SMOC2: variants seen among roughly 807,000 people sequenced by gnomAD.
SMOC2 encodes SPARC related modular calcium binding 2, also known as SPARC-related modular calcium-binding protein 2.
A neutral mutation model predicts 61.4 loss-of-function variants in SMOC2; 39 were observed. The ratio of observed to expected loss-of-function variants is 0.64; its 90% CI spans 0.49 to 0.83. SMOC2 has a LOEUF of 0.83. Among genes scored for constraint, SMOC2 ranks in the 40% least tolerant of loss-of-function variants. The pLI is 0.00. For missense variants in SMOC2, 556 were observed against 592.9 expected (o/e 0.94, Z 0.65); for synonymous variants, 247 against 239.9 (o/e 1.03, Z -0.27).
chr6:168,619,082 T>C (rs1402144706), intron 9 of SMOC2, among the ~76,000 whole-genome samples: 6 of 152,020 alleles, frequency 3.9e-5, no homozygotes, highest in Non-Finnish European at 8.8e-5. Context: ...AGAACTTGAG[T>C]TCTGAGCAGC....
intron 10 of SMOC2, among the ~76,000 whole-genome samples, chr6:168,651,822 C>T (rs1329526716): frequency 1.3e-5 from 2 of 152,194 alleles, no homozygotes; most frequent in East Asian, 3.9e-4. Flanking sequence ...AGGTGGATCA[C>T]CTGAGGTCAG....
intron 9 of SMOC2, among the ~76,000 whole-genome samples, chr6:168,613,438 G>C (rs1001971898): frequency 6.6e-6 from 1 of 152,106 alleles, no homozygotes; most frequent in Non-Finnish European, 1.5e-5. Flanking sequence ...CCAAGCCAGG[G>C]TCCTCTCCTG....
chr6:168,563,548 G>A (rs1232357366), intron 7 of SMOC2, among the ~76,000 whole-genome samples: 4 of 152,102 alleles, frequency 2.6e-5, no homozygotes, highest in Non-Finnish European at 5.9e-5. Flanking sequence ...CCAAATTCCT[G>A]TGTTGAAATC....
intron 1 of SMOC2, among the ~76,000 whole-genome samples, chr6:168,460,786 A>G (rs538917168): frequency 6.6e-6 from 1 of 152,372 alleles, no homozygotes; most frequent in South Asian, 2.1e-4. Context: ...ATTTTGGTGG[A>G]AATGTGTTAA....
At chr6:168,611,370 G>A (rs113677645) in intron 9 of SMOC2, among the ~76,000 whole-genome samples, 2,716 of 71,060 alleles carry the variant, frequency 0.038, 162 homozygotes, top group Middle Eastern at 0.08. Flanking sequence ...GGGCCTGGCC[G>A]TGGCTCCCAT....
At chr6:168,597,710 G>A (rs1215531829) in intron 7 of SMOC2, among the ~76,000 whole-genome samples, 1 of 152,204 alleles carries the variant, frequency 6.6e-6, no homozygotes, top group Non-Finnish European at 1.5e-5. Flanking sequence ...GATTCGTGAC[G>A]TCCCAGCCCA....
At chr6:168,592,186 C>T (rs192155587) in intron 7 of SMOC2, among the ~76,000 whole-genome samples, 144 of 152,364 alleles carry the variant, frequency 9.5e-4, no homozygotes, top group African/African-American at 3.3e-3. Flanking sequence ...AGTTCTCTAC[C>T]CTTGCCATCC....
At chr6:168,543,797 C>A in intron 5 of SMOC2, 125 bp downstream of exon 5, 1 of 851,072 alleles carries the variant, frequency 1.2e-6, no homozygotes, top group Non-Finnish European at 1.9e-6. Context: ...CAGTTTGTTA[C>A]TTCTGCATTC....
intron 11 of SMOC2, among the ~76,000 whole-genome samples, chr6:168,660,113 G>A (rs1344475127): frequency 6.6e-6 from 1 of 151,830 alleles, no homozygotes; most frequent in African/African-American, 2.4e-5. Context: ...TGAGAGGGCA[G>A]CCTCTTCAGC....
rs373406001 is a variant in SMOC2, at chr6:168,527,664, G to A, written c.400G>A (p.Val134Ile). ...CAGCTACACGGGATACTGCTGGTGC[G>A]TCACGCCCAACGGGAGGCCCATCAG... ...CHSYTGYCWCVTPNGRPISGT... is the reference protein window; with the variant it reads ...CHSYTGYCWCITPNGRPISGT... Residue 134 changes from valine (V) to isoleucine (I), a missense_variant, in exon 4 of 13, where the codon GTC (valine) becomes ATC (isoleucine). Transcript: ENST00000356284. 29 of 1,552,432 alleles carry A rather than the reference G, an allele frequency of 1.9e-5. No homozygotes were observed. Among genetic ancestry groups the A allele is most frequent in the Admixed American group, 1.4e-4 (7 of 51,260 alleles).
chr6:168,511,118 G>T (rs1261397771), intron 2 of SMOC2, among the ~76,000 whole-genome samples: 1 of 152,176 alleles, frequency 6.6e-6, no homozygotes, highest in Non-Finnish European at 1.5e-5. Context: ...CATATGAAAA[G>T]ATAAGTATAT....
At chr6:168,588,185 A>G (rs1043749176) in intron 7 of SMOC2, among the ~76,000 whole-genome samples, 10 of 142,026 alleles carry the variant, frequency 7.0e-5, no homozygotes, top group Middle Eastern at 3.9e-3. Context: ...GTACAGTGGC[A>G]TGATCTCGGC....
chr6:168,661,430 C>T (rs1228265625), intron 11 of SMOC2, among the ~76,000 whole-genome samples: 1 of 151,984 alleles, frequency 6.6e-6, no homozygotes, highest in Non-Finnish European at 1.5e-5. Flanking sequence ...GGTGAAACCC[C>T]GTCTCTACTG....
At chr6:168,490,468 TCTCA>T (rs1201918685) in intron 1 of SMOC2, among the ~76,000 whole-genome samples, 1 of 152,138 alleles carries the variant, frequency 6.6e-6, no homozygotes, top group Non-Finnish European at 1.5e-5. Context: ...GGCAGCTGAC[TCTCA>T]CTCACCCCTT....
intron 7 of SMOC2, among the ~76,000 whole-genome samples, chr6:168,590,518 C>T (rs1020135014): frequency 6.6e-6 from 1 of 152,118 alleles, no homozygotes; most frequent in Non-Finnish European, 1.5e-5. Context: ...AGGAGCTTCG[C>T]GGGACCATGT....
chr6:168,609,729 G>A (rs1002556322), intron 9 of SMOC2, among the ~76,000 whole-genome samples: 3 of 152,172 alleles, frequency 2.0e-5, no homozygotes, highest in Admixed American at 6.5e-5. Context: ...ATGTTTCCTG[G>A]TTTTGGTTGG....
At chr6:168,486,331 A>C (rs1249476135) in intron 1 of SMOC2, among the ~76,000 whole-genome samples, 1 of 152,024 alleles carries the variant, frequency 6.6e-6, no homozygotes, top group Non-Finnish European at 1.5e-5. Flanking sequence ...TTGAATACTC[A>C]CATCATTTCC....
chr6:168,468,213 A>G (rs1489021583), intron 1 of SMOC2, among the ~76,000 whole-genome samples: 1 of 152,190 alleles, frequency 6.6e-6, no homozygotes, highest in Admixed American at 6.5e-5. Context: ...ATGGATTTAT[A>G]TCGAGGGACA....
At chr6:168,496,742 G>A (rs765811155) in intron 1 of SMOC2, among the ~76,000 whole-genome samples, 17 of 152,220 alleles carry the variant, frequency 1.1e-4, no homozygotes, top group Non-Finnish European at 2.1e-4. Flanking sequence ...CTCCAAGATT[G>A]CACTGTGCAC....
Sources: allele counts gnomAD v4.1 joint callset (sites outside exome capture counted in the v4.1 genomes callset), GRCh38; gene constraint gnomAD v4.1.1; transcripts MANE v1.5; gene names NCBI Gene and HGNC (gene_info 2026-07-23, HGNC 2026-07-21).